NT5DC1: variants seen among roughly 807,000 people sequenced by gnomAD.
The protein encoded by NT5DC1 is 5'-nucleotidase domain containing 1, also known as 5'-nucleotidase domain-containing protein 1.
NT5DC1 carries 42 observed loss-of-function variants against 59.4 expected under a neutral mutation model. The observed-to-expected ratio is 0.71, with a 90% confidence interval of 0.55 to 0.92. NT5DC1 has a LOEUF of 0.92. Among genes scored for constraint, NT5DC1 ranks in the 40% least tolerant of loss-of-function variants. NT5DC1 has a pLI of 0.00. For missense variants in NT5DC1, 501 were observed against 537.1 expected (o/e 0.93, Z 0.66); for synonymous variants, 172 against 188.1 (o/e 0.91, Z 0.70).
intron 6 of NT5DC1, among the ~76,000 whole-genome samples, chr6:116,216,889 C>T (rs1781697089): frequency 6.6e-6 from 1 of 152,184 alleles, no homozygotes; most frequent in African/African-American, 2.4e-5. Flanking sequence ...TAGCTGTTCA[C>T]TAGCGTGCTC....
At chr6:116,142,724 T>C (rs112856015) in intron 6 of NT5DC1, among the ~76,000 whole-genome samples, 4,806 of 152,286 alleles carry the variant, frequency 0.032, 284 homozygotes, top group African/African-American at 0.11. Flanking sequence ...TCTTCCAACC[T>C]TGAAAAATAG....
At chr6:116,208,179 G>A (rs1781497808) in intron 6 of NT5DC1, among the ~76,000 whole-genome samples, 3 of 151,964 alleles carry the variant, frequency 2.0e-5, no homozygotes. Context: ...CAAAGCTAGA[G>A]AAGTCAACTG....
chr6:116,171,913 TGA>T (rs991067327), intron 6 of NT5DC1, among the ~76,000 whole-genome samples: 33 of 152,284 alleles, frequency 2.2e-4, no homozygotes, highest in African/African-American at 7.7e-4. Flanking sequence ...AGTCCGAGAG[TGA>T]GAGAGTTTTC....
chr6:116,133,619 A>C (rs2114338387), intron 6 of NT5DC1, among the ~76,000 whole-genome samples: 1 of 152,266 alleles, frequency 6.6e-6, no homozygotes, highest in East Asian at 1.9e-4. Flanking sequence ...AATCATACTA[A>C]CAATGAAAAT....
chr6:116,134,146 T>C (rs1779533722), intron 6 of NT5DC1, among the ~76,000 whole-genome samples: 1 of 152,190 alleles, frequency 6.6e-6, no homozygotes, highest in African/African-American at 2.4e-5. Context: ...ACAATTGTGA[T>C]TGGTGATGAT....
Position 116,151,416 on chromosome 6 carries a change from C to T in NT5DC1, c.529+33471C>T, listed in dbSNP as rs144732980. Among the ~76,000 whole-genome samples, 394 of 152,198 alleles carry T rather than the reference C, an allele frequency of 2.6e-3. 10 individuals carry two copies. The South Asian group carries it at 0.043, about 17-fold the overall frequency. On this transcript the variant is annotated intron_variant, in intron 6 of 11. Transcript: ENST00000319550. ...CAACTCATATTGTTTTTGGTTTATA[C>T]CCTCTAAGTGATTGTATAGTTAAAG...
chr6:116,144,822 G>A (rs1294563997), intron 6 of NT5DC1, among the ~76,000 whole-genome samples: 1 of 152,112 alleles, frequency 6.6e-6, no homozygotes, highest in Non-Finnish European at 1.5e-5. Context: ...CCACATCCCA[G>A]CCACAAATAT....
At chr6:116,156,817 T>A (rs892181070) in intron 6 of NT5DC1, among the ~76,000 whole-genome samples, 1 of 152,092 alleles carries the variant, frequency 6.6e-6, no homozygotes, top group African/African-American at 2.4e-5. Context: ...GCAATAATTT[T>A]GTGCTTCACG....
intron 4 of NT5DC1, among the ~76,000 whole-genome samples, chr6:116,114,247 T>C (rs965681362): frequency 3.3e-5 from 5 of 151,674 alleles, no homozygotes; most frequent in Non-Finnish European, 5.9e-5. Flanking sequence ...AACAGAAAAC[T>C]TTGATTTTTT....
chr6:116,228,190 T>G (rs910965062), intron 8 of NT5DC1, among the ~76,000 whole-genome samples: 2 of 152,224 alleles, frequency 1.3e-5, no homozygotes, highest in Admixed American at 1.3e-4. Flanking sequence ...GATTTCATGC[T>G]TTTTGTACAG....
chr6:116,234,876 C>A (rs543845292), intron 8 of NT5DC1, among the ~76,000 whole-genome samples: 17 of 152,294 alleles, frequency 1.1e-4, no homozygotes, highest in Non-Finnish European at 1.0e-4. Flanking sequence ...TTCTCTGAGT[C>A]TTGCAGCTTC....
intron 8 of NT5DC1, among the ~76,000 whole-genome samples, chr6:116,231,148 T>TTCC (rs1554202028): frequency 8.6e-6 from 1 of 116,682 alleles, no homozygotes; most frequent in Non-Finnish European, 1.6e-5. Flanking sequence ...GAATGGTAAA[T>TTCC]CCCCCCCCCA....
chr6:116,154,356 C>T (rs529129455), intron 6 of NT5DC1, among the ~76,000 whole-genome samples: 6 of 152,144 alleles, frequency 3.9e-5, no homozygotes, highest in South Asian at 2.1e-4. Flanking sequence ...ATCCTAACAC[C>T]GTCCATGGTC....
At chr6:116,212,303 T>G (rs1272345617) in intron 6 of NT5DC1, among the ~76,000 whole-genome samples, 1 of 152,036 alleles carries the variant, frequency 6.6e-6, no homozygotes, top group Non-Finnish European at 1.5e-5. Flanking sequence ...AAAAGTATAG[T>G]GAAAAACAGA....
At chr6:116,134,113 A>G (rs1779532751) in intron 6 of NT5DC1, among the ~76,000 whole-genome samples, 1 of 152,230 alleles carries the variant, frequency 6.6e-6, no homozygotes, top group Admixed American at 6.5e-5. Context: ...CATAAGTGGC[A>G]AAACAGTGCT....
chr6:116,124,064 TA>T (rs1562126562), intron 6 of NT5DC1, among the ~76,000 whole-genome samples: 1 of 152,120 alleles, frequency 6.6e-6, no homozygotes, highest in African/African-American at 2.4e-5. Context: ...CTTTAAATTT[TA>T]AAATTTTTAT....
In NT5DC1 at chr6:116,193,527, A is replaced by G. The variant is rs1165286199; in HGVS notation, c.530-27527A>G. On this transcript the variant is annotated intron_variant, in intron 6 of 11. Coordinates refer to ENST00000319550, the MANE Select transcript of NT5DC1 (RefSeq NM_152729.3). ...TGTAAAATGGAGAAGATATTTCCTA[A>G]TTTATGGATTGAGAGAATAAAATAA... 2.0e-5 allele frequency among the ~76,000 whole-genome samples: 3 copies of G among 152,144 alleles called. No individual in the cohort carries two copies. The East Asian group carries it at 5.8e-4, about 30-fold the overall frequency.
At chr6:116,199,511 A>G (rs932728672) in intron 6 of NT5DC1, among the ~76,000 whole-genome samples, 4 of 152,098 alleles carry the variant, frequency 2.6e-5, no homozygotes, top group Non-Finnish European at 4.4e-5. Context: ...ATCTTTAAAA[A>G]ACAAAGAAGT....
intron 6 of NT5DC1, among the ~76,000 whole-genome samples, chr6:116,192,628 A>G (rs1168256171): frequency 1.3e-5 from 2 of 152,092 alleles, no homozygotes; most frequent in Admixed American, 6.6e-5. Context: ...TTTACTTTGT[A>G]TATTATAAAA....
Sources: allele counts gnomAD v4.1 joint callset (sites outside exome capture counted in the v4.1 genomes callset), GRCh38; gene constraint gnomAD v4.1.1; transcripts MANE v1.5; gene names NCBI Gene and HGNC (gene_info 2026-07-23, HGNC 2026-07-21).